The following ARHGAP35 variants were observed in gnomAD, a reference collection of about 807,000 sequenced individuals.
ARHGAP35 encodes Rho GTPase activating protein 35.
A neutral mutation model predicts 111.1 loss-of-function variants in ARHGAP35; 15 were observed. That is an observed-to-expected ratio of 0.13 (90% CI 0.09 to 0.21). ARHGAP35 has a LOEUF of 0.21. ARHGAP35 is among the 10% of genes least tolerant of loss of function. The pLI is 1.00. For synonymous variants in ARHGAP35, 643 were observed against 710.3 expected (o/e 0.91, Z 1.51); for missense variants, 1,262 against 1,873.0 (o/e 0.67, Z 6.02).
chr19:46,881,541 C>T (rs2055962581), intron 1 of ARHGAP35, among the ~76,000 whole-genome samples: 1 of 152,168 alleles, frequency 6.6e-6, no homozygotes, highest in East Asian at 1.9e-4. Context: ...TTTTTGCAAG[C>T]AGTAGGTCTC....
intron 1 of ARHGAP35, among the ~76,000 whole-genome samples, chr19:46,869,676 C>A (rs2055877574): frequency 6.6e-6 from 1 of 152,054 alleles, no homozygotes. Flanking sequence ...AAAAAGAGTT[C>A]TTTGTTCAGT....
chr19:46,978,487 A>T (rs2056591185), intron 3 of ARHGAP35, among the ~76,000 whole-genome samples: 1 of 140,054 alleles, frequency 7.1e-6, no homozygotes, highest in South Asian at 2.4e-4. Flanking sequence ...GGGGTAGGAT[A>T]TGTGTGTGTG....
chr19:46,873,743 T>C (rs1055408408), intron 1 of ARHGAP35, among the ~76,000 whole-genome samples: 1 of 152,054 alleles, frequency 6.6e-6, no homozygotes, highest in Non-Finnish European at 1.5e-5. Flanking sequence ...TAAATTTATT[T>C]AAGCTTTTTT....
intron 1 of ARHGAP35, among the ~76,000 whole-genome samples, chr19:46,862,324 A>G (rs2055833344): frequency 6.7e-6 from 1 of 148,342 alleles, no homozygotes. Flanking sequence ...TCTCTTCCCC[A>G]CCTCCTTTTT....
At chr19:46,876,662 T>C (rs973636951) in intron 1 of ARHGAP35, among the ~76,000 whole-genome samples, 3 of 150,906 alleles carry the variant, frequency 2.0e-5, no homozygotes, top group African/African-American at 7.3e-5. Flanking sequence ...TGAGCCACCA[T>C]GCCCAGCCTA....
In ARHGAP35 at chr19:46,929,591, CTTTT is replaced by C. The variant is rs55818906; in HGVS notation, c.3681+7258_3681+7261del. ...TCCGTATATGGTGTTACCTGTTACT[CTTTT>C]TTTTTTTTTTTTTTTTTTTTTTACA... On this transcript the variant is annotated intron_variant, in intron 2 of 6. Coordinates refer to ENST00000672722, the MANE Select transcript of ARHGAP35 (RefSeq NM_004491.5). Among the ~76,000 whole-genome samples the C allele has an allele frequency of 7.3e-3, 677 of 93,030 alleles. 9 individuals are homozygous for C. Among genetic ancestry groups the C allele is most frequent in the African/African-American group, 0.027 (631 of 23,428 alleles). 61.0% of individuals were successfully genotyped at this position (93,030 alleles called of 152,430 possible). A position where few individuals can be genotyped will look rare whatever the true frequency, so the allele number is the denominator to read the frequency against.
At position 46,922,708 on chromosome 19, in the gene ARHGAP35, C is replaced by G. The variant is rs929667398; in HGVS notation, c.3681+352C>G. Among the ~76,000 whole-genome samples the G allele has an allele frequency of 9.2e-5, 14 of 152,314 alleles. No individual in the cohort carries two copies. The East Asian group carries it at 2.1e-3, about 23-fold the overall frequency. ...AAACACCAGAACTCAAAACTGCTTG[C>G]CGCAGTCTCTCACTGCTAAACATAA... On this transcript the variant is annotated intron_variant, in intron 2 of 6. Transcript: ENST00000672722. The surrounding 1 kb of genome is among the most constrained non-coding windows in gnomAD (Gnocchi z 4.0).
At chr19:46,893,926 C>A (rs953839025) in intron 1 of ARHGAP35, among the ~76,000 whole-genome samples, 2 of 146,492 alleles carry the variant, frequency 1.4e-5, no homozygotes, top group Non-Finnish European at 3.0e-5. Flanking sequence ...ACTGTCTCTG[C>A]CATTATTCTT....
intron 3 of ARHGAP35, among the ~76,000 whole-genome samples, chr19:46,955,204 C>T (rs914895899): frequency 5.9e-5 from 9 of 152,280 alleles, no homozygotes; most frequent in Non-Finnish European, 8.8e-5. Context: ...AAGCCGCCCC[C>T]GTCCATGTGA....
At chr19:46,881,137 G>T (rs1177179831) in intron 1 of ARHGAP35, among the ~76,000 whole-genome samples, 1 of 152,020 alleles carries the variant, frequency 6.6e-6, no homozygotes. Flanking sequence ...TAGAGATGGG[G>T]TTTCACCATG....
intron 1 of ARHGAP35, among the ~76,000 whole-genome samples, chr19:46,893,961 G>A (rs577281046): frequency 2.0e-5 from 3 of 150,404 alleles, no homozygotes; most frequent in Admixed American, 2.0e-4. Context: ...ATTGGTGAAG[G>A]CTGCTTGTCA....
intron 3 of ARHGAP35, among the ~76,000 whole-genome samples, chr19:46,966,850 G>C (rs540971016): frequency 2.8e-4 from 43 of 152,296 alleles, no homozygotes; most frequent in African/African-American, 9.1e-4. Flanking sequence ...TCCACAGTCA[G>C]TTTGCCCAGT....
chr19:46,867,702 C>T (rs1401169393), intron 1 of ARHGAP35, among the ~76,000 whole-genome samples: 1 of 152,044 alleles, frequency 6.6e-6, no homozygotes, highest in Non-Finnish European at 1.5e-5. Flanking sequence ...ATACCTTGTA[C>T]TTGGTAGGCC....
chr19:46,880,101 A>G (rs1284052254), intron 1 of ARHGAP35, among the ~76,000 whole-genome samples: 1 of 151,752 alleles, frequency 6.6e-6, no homozygotes, highest in East Asian at 1.9e-4. Context: ...ATAAATAAAT[A>G]AATAAATAAA....
chr19:46,982,446 C>A (rs1162914913), intron 3 of ARHGAP35, among the ~76,000 whole-genome samples: 1 of 150,212 alleles, frequency 6.7e-6, no homozygotes, highest in African/African-American at 2.5e-5. Context: ...CACTGCACTC[C>A]AGCCTGGGCA....
chr19:47,000,767 C>A lies in ARHGAP35; in HGVS notation c.*79C>A. On this transcript the variant is annotated 3_prime_UTR_variant, in exon 7 of 7. Coordinates refer to ENST00000672722, the MANE Select transcript of ARHGAP35 (RefSeq NM_004491.5). This position sits in a 1 kb window ranked among gnomAD's most constrained non-coding sequence, Gnocchi z 6.9. The stretch of plus-strand genomic sequence containing the variant: ...ATTTGGCCTTGAACAAAACCAAGTC[C>A]ACTGGGGACAGAGGCAGGGGCAAGT... 2 of 1,533,114 alleles carry A rather than the reference C, an allele frequency of 1.3e-6. No homozygotes were observed. Among genetic ancestry groups the A allele is most frequent in the Admixed American group, 2.0e-5 (1 of 49,488 alleles). The allele number at this position is 1,533,114 out of a possible 1,614,324, so 95.0% of individuals were successfully genotyped here.
chr19:46,876,156 T>C (rs2055918978), intron 1 of ARHGAP35, among the ~76,000 whole-genome samples: 2 of 152,070 alleles, frequency 1.3e-5, no homozygotes, highest in Admixed American at 1.3e-4. Context: ...GCTTACTGTG[T>C]GTCATTATTA....
chr19:46,861,955 C>A (rs2055831356), intron 1 of ARHGAP35, among the ~76,000 whole-genome samples: 1 of 152,192 alleles, frequency 6.6e-6, no homozygotes, highest in African/African-American at 2.4e-5. Context: ...GAGCCTGCTG[C>A]ACCCCGGGAT....
At chr19:46,937,135 C>G in intron 2 of ARHGAP35, 129 bp from the exon 3 acceptor site, 1 of 1,173,708 alleles carries the variant, frequency 8.5e-7, no homozygotes, top group Non-Finnish European at 1.2e-6. Context: ...TCACCGTATC[C>G]AGCCACTTCT....
Sources: gnomAD v4.1 joint callset for allele counts (sites outside exome capture counted in the v4.1 genomes callset) on GRCh38, gnomAD v4.1.1 for gene constraint, Gnocchi (gnomAD v3.1) non-coding constraint, MANE v1.5 for transcripts, NCBI Gene and HGNC (gene_info 2026-07-23, HGNC 2026-07-21) for gene names.